Variants in PLCL1 observed in about 807,000 individuals in gnomAD.
PLCL1 encodes the protein phospholipase C like 1 (inactive).
In PLCL1, 41 loss-of-function variants were observed where a neutral mutation model predicts 84.4. The ratio of observed to expected loss-of-function variants is 0.49; its 90% CI spans 0.38 to 0.63. The LOEUF (loss-of-function observed/expected upper bound fraction) is 0.63, where lower values mean the gene tolerates loss of function less well. Among genes scored for constraint, PLCL1 ranks in the 30% least tolerant of loss-of-function variants. PLCL1 has a pLI of 0.00. For missense variants in PLCL1, 1,206 were observed against 1,367.8 expected (o/e 0.88, Z 1.87); for synonymous variants, 490 against 488.3 (o/e 1.00, Z -0.05).
intron 5 of PLCL1, among the ~76,000 whole-genome samples, chr2:198,120,124 C>T (rs1034009934): frequency 6.6e-6 from 1 of 151,786 alleles, no homozygotes; most frequent in African/African-American, 2.4e-5. Flanking sequence ...GAAATTTTGT[C>T]CTGTTTTTCT....
chr2:197,903,705 G>A (rs1688318869), intron 1 of PLCL1, among the ~76,000 whole-genome samples: 2 of 126,062 alleles, frequency 1.6e-5, no homozygotes, highest in Admixed American at 9.5e-5. Flanking sequence ...GGGTTTCACC[G>A]TGTTAGCCGG....
chr2:198,134,574 G>A (rs763881875), intron 5 of PLCL1, among the ~76,000 whole-genome samples: 11 of 152,028 alleles, frequency 7.2e-5, no homozygotes, highest in Non-Finnish European at 1.5e-4. Flanking sequence ...CTATGGGATG[G>A]GCCAGCCGTA....
chr2:198,149,550 G>GA lies in PLCL1; in HGVS notation c.*2589dup, dbSNP rs1217268746. The stretch of plus-strand genomic sequence containing the variant: ...AGTTTATTCTTAACATTTTAAACCA[G>GA]ACTATTAACTCTTACCTTTATAACC... On this transcript the variant is annotated 3_prime_UTR_variant, in exon 6 of 6. Coordinates refer to ENST00000428675, the MANE Select transcript of PLCL1 (RefSeq NM_006226.4). 6.6e-6 allele frequency: 1 copy of GA among 152,084 alleles called. No individual in the cohort carries two copies. The highest frequency in any genetic ancestry group is 1.9e-4 in the East Asian group (1 of 5,262). 9.4% of individuals were successfully genotyped at this position (152,084 alleles called of 1,614,324 possible).
intron 1 of PLCL1, among the ~76,000 whole-genome samples, chr2:198,024,480 A>C (rs1691215986): frequency 6.6e-6 from 1 of 152,192 alleles, no homozygotes; most frequent in Admixed American, 6.5e-5. Context: ...ATGTTTAGGA[A>C]TTACTACACG....
intron 1 of PLCL1, among the ~76,000 whole-genome samples, chr2:197,961,392 T>A (rs952189093): frequency 3.9e-5 from 6 of 152,056 alleles, no homozygotes; most frequent in African/African-American, 1.4e-4. Flanking sequence ...TTTGAAGATA[T>A]CAGGATCATT....
chr2:198,055,802 T>TA, intron 1 of PLCL1, among the ~76,000 whole-genome samples: 1 of 152,224 alleles, frequency 6.6e-6, no homozygotes. Flanking sequence ...AGTGCTGTCA[T>TA]AAAATCACAT....
intron 1 of PLCL1, among the ~76,000 whole-genome samples, chr2:198,016,020 G>A (rs1238326001): frequency 1.3e-5 from 2 of 152,158 alleles, no homozygotes; most frequent in Non-Finnish European, 2.9e-5. Flanking sequence ...CAATAAGTCT[G>A]ACATGTGAGT....
Position 198,085,236 on chromosome 2 carries a change from T to G in PLCL1, c.1719T>G (p.Asn573Lys). The change falls in exon 2 of 6, where the codon AAT becomes AAG. Residue 573 changes from asparagine (N) to lysine (K), a missense_variant. Physicochemically the swap from Asn to Lys is moderately conservative, Grantham distance 94. Transcript: ENST00000428675. This position sits in a 1 kb window ranked among gnomAD's most constrained non-coding sequence, Gnocchi z 5.3. ...CTCGAAGGATGTCGGTAGATTACAA[T>G]GGTGAGCAGAAGCAAATCCGACTCT... ...EMSRRMSVDY[N>K]GEQKQIRLCR... 1 of 1,613,978 alleles carries G rather than the reference T, an allele frequency of 6.2e-7. No individual in the cohort carries two copies. Among genetic ancestry groups the G allele is most frequent in the Non-Finnish European group, 8.5e-7 (1 of 1,179,952 alleles).
chr2:197,814,423 T>C (rs1690648596), intron 1 of PLCL1, among the ~76,000 whole-genome samples: 1 of 152,200 alleles, frequency 6.6e-6, no homozygotes, highest in Non-Finnish European at 1.5e-5. Context: ...GCGAACTTAA[T>C]TGATAAATGT....
At chr2:198,038,103 T>C (rs1147168) in intron 1 of PLCL1, among the ~76,000 whole-genome samples, 1,636 of 152,272 alleles carry the variant, frequency 0.011, 32 homozygotes, top group African/African-American at 0.037. Flanking sequence ...TTTTACTGAA[T>C]TTTTTGATTA....
At chr2:198,013,870 G>A (rs1312823236) in intron 1 of PLCL1, among the ~76,000 whole-genome samples, 2 of 152,038 alleles carry the variant, frequency 1.3e-5, no homozygotes, top group Non-Finnish European at 2.9e-5. Flanking sequence ...TTTGGAATAA[G>A]CATGATTATT....
chr2:197,982,213 A>G (rs1435922805), intron 1 of PLCL1, among the ~76,000 whole-genome samples: 1 of 147,152 alleles, frequency 6.8e-6, no homozygotes, highest in Non-Finnish European at 1.5e-5. Context: ...GTATATATAT[A>G]TGTATATATA....
Position 198,019,616 on chromosome 2 carries a change from C to G in PLCL1, c.241-64142C>G, listed in dbSNP as rs146295511. On this transcript the variant is annotated intron_variant, in intron 1 of 5. Transcript: ENST00000428675. ...CACAAGTATCAATAGCTGAATTGAT[C>G]AAGTGAAAGAAAGGATATCAGAGAT... Among the ~76,000 whole-genome samples, 192 of 152,028 alleles carry G rather than the reference C, an allele frequency of 1.3e-3. 2 individuals carry two copies. The highest frequency in any genetic ancestry group is 4.3e-3 in the African/African-American group (178 of 41,440).
chr2:197,948,981 A>G (rs1689335569), intron 1 of PLCL1, among the ~76,000 whole-genome samples: 1 of 152,156 alleles, frequency 6.6e-6, no homozygotes, highest in African/African-American at 2.4e-5. Context: ...GTGTGATTTC[A>G]GCAAAATCAG....
At chr2:198,042,565 G>T (rs1208299226) in intron 1 of PLCL1, among the ~76,000 whole-genome samples, 2 of 152,128 alleles carry the variant, frequency 1.3e-5, no homozygotes, top group African/African-American at 4.8e-5. Flanking sequence ...ATTCAGTGAA[G>T]GATAGAAGAA....
At chr2:197,980,035 G>A (rs1032655421) in intron 1 of PLCL1, among the ~76,000 whole-genome samples, 3 of 152,200 alleles carry the variant, frequency 2.0e-5, no homozygotes, top group African/African-American at 7.2e-5. Flanking sequence ...ATTGAGGGCA[G>A]GGAGGGGACC....
chr2:197,809,461 A>G (rs1007382632), intron 1 of PLCL1, among the ~76,000 whole-genome samples: 4 of 152,174 alleles, frequency 2.6e-5, no homozygotes, highest in African/African-American at 9.7e-5. Flanking sequence ...TGTGGGGTAC[A>G]TTATCTTTTC....
At position 197,924,128 on chromosome 2, in the gene PLCL1, G is replaced by A. The variant is rs1382896352; in HGVS notation, c.240+118789G>A. 2.2e-5 allele frequency among the ~76,000 whole-genome samples: 3 copies of A among 137,594 alleles called. No individual in the cohort carries two copies. The East Asian group carries it at 6.2e-4, about 28-fold the overall frequency. The allele number at this position is 137,594 out of a possible 152,430, so 90.3% of individuals were successfully genotyped here. On this transcript the variant is annotated intron_variant, in intron 1 of 5. Coordinates refer to ENST00000428675, the MANE Select transcript of PLCL1 (RefSeq NM_006226.4). ...TCCAGCTTCGGCTCCGCATGAGAGG[G>A]AGACCGTGGGGAGAGGGAGAGGGAG...
intron 1 of PLCL1, among the ~76,000 whole-genome samples, chr2:197,897,190 TCC>T (rs1688165318): frequency 1.4e-4 from 5 of 36,966 alleles, no homozygotes; most frequent in Admixed American, 2.8e-4. Context: ...CTTCTTCTTC[TCC>T]TTCTCCTTCT....
Sources: allele counts gnomAD v4.1 joint callset (sites outside exome capture counted in the v4.1 genomes callset), GRCh38; gene constraint gnomAD v4.1.1; non-coding constraint Gnocchi (gnomAD v3.1); transcripts MANE v1.5; gene names NCBI Gene and HGNC (gene_info 2026-07-23, HGNC 2026-07-21).